Variants in RANGRF observed in about 807,000 individuals in gnomAD.
The protein encoded by RANGRF is RAN guanine nucleotide release factor.
A neutral mutation model predicts 21.8 loss-of-function variants in RANGRF; 17 were observed. The observed-to-expected ratio is 0.78, with a 90% CI of 0.53 to 1.17. The LOEUF (loss-of-function observed/expected upper bound fraction) is 1.17, where lower values mean the gene tolerates loss of function less well. Ranked by LOEUF, RANGRF falls within the 50% of genes most tolerant of loss-of-function variation. The pLI is 0.00. For synonymous variants in RANGRF, 97 were observed against 94.3 expected (o/e 1.03, Z -0.17); for missense variants, 225 against 235.5 (o/e 0.96, Z 0.29).
chr17:8,289,034 C>G lies in RANGRF; in HGVS notation c.156C>G (p.Leu52=), dbSNP rs1364298188. The G allele has an allele frequency of 1.9e-6, 3 of 1,613,906 alleles. No homozygotes were observed. Among genetic ancestry groups the G allele is most frequent in the Non-Finnish European group, 1.7e-6 (2 of 1,180,030 alleles). The change falls in exon 2 of 5, where the codon CTC becomes CTG. Residue 52 remains leucine (L), a synonymous_variant. Coordinates refer to ENST00000226105, the MANE Select transcript of RANGRF (RefSeq NM_016492.5). ...ACCAGAGCCTGATAGTGGAACTTCT[C>G]GAGCTGCAGGCCCACGTACGGGGCG... The part of the protein sequence containing the change: ...VTDQSLIVEL[L]ELQAHVRGEA...
rs11544392 is a variant in RANGRF, at chr17:8,288,721, C to G, written c.-68C>G. ...GTGGCAGCTGCGAAACCCAGGGAGC[C>G]GATGCCACGTGACCCAATGTGGACT... On this transcript the variant is annotated 5_prime_UTR_variant, in exon 1 of 5. Coordinates refer to ENST00000226105, the MANE Select transcript of RANGRF (RefSeq NM_016492.5). 6.4e-7 allele frequency: 1 copy of G among 1,555,964 alleles called. No individual in the cohort carries two copies. Among genetic ancestry groups the G allele is most frequent in the African/African-American group, 1.4e-5 (1 of 73,622 alleles).
Position 8,288,739 on chromosome 17 carries a change from T to C in RANGRF, c.-50T>C. 6.3e-7 allele frequency: 1 copy of C among 1,597,490 alleles called. No homozygotes were observed. The highest frequency in any genetic ancestry group is 8.6e-7 in the Non-Finnish European group (1 of 1,165,338). On this transcript the variant is annotated 5_prime_UTR_variant, in exon 1 of 5. The change abolishes an upstream ATG in the 5' untranslated region. Coordinates refer to ENST00000226105, the MANE Select transcript of RANGRF (RefSeq NM_016492.5). ...AGGGAGCCGATGCCACGTGACCCAA[T>C]GTGGACTTCTTTTAAACCTTTCTAA... is the stretch of plus-strand genomic sequence containing the variant.
intron 2 of RANGRF, 71 bp downstream of exon 2, chr17:8,289,143 C>T: frequency 1.2e-6 from 2 of 1,601,046 alleles, no homozygotes; most frequent in Non-Finnish European, 1.7e-6. Flanking sequence ...CCGCGGCCGA[C>T]GGTTAATCCG....
At chr17:8,289,623 T>G (rs774248020) in intron 4 of RANGRF, 35 bp downstream of exon 4, 1 of 1,608,154 alleles carries the variant, frequency 6.2e-7, no homozygotes, top group Non-Finnish European at 8.5e-7. Flanking sequence ...ATCTCATGAC[T>G]GGGTTCCCAG....
Position 8,289,665 on chromosome 17 carries a change from G to C in RANGRF, c.437+77G>C, listed in dbSNP as rs185844070. ...CGGGCTGGGAGGGACAGAACAGGGAGACTCACTGGTGGGATCCTCCAAGGA... is the reference window on the plus strand; with the variant it reads ...CGGGCTGGGAGGGACAGAACAGGGACACTCACTGGTGGGATCCTCCAAGGA... On this transcript the variant is annotated intron_variant, in intron 4 of 4. Coordinates refer to ENST00000226105, the MANE Select transcript of RANGRF (RefSeq NM_016492.5). 13 of 1,606,366 alleles carry C rather than the reference G, an allele frequency of 8.1e-6. No homozygotes were observed. In the Admixed American group the frequency reaches 1.2e-4, roughly 14 times the overall value.
chr17:8,289,789 C>T (rs1446499546), intron 4 of RANGRF, 24 bp from the exon 5 acceptor site: 1 of 1,613,568 alleles, frequency 6.2e-7, no homozygotes, highest in South Asian at 1.1e-5. Flanking sequence ...GATGTTCTGT[C>T]TCCATCTGTT....
chr17:8,289,560 G>A lies in RANGRF; in HGVS notation c.409G>A (p.Asp137Asn). 6.2e-7 allele frequency: 1 copy of A among 1,613,718 alleles called. No individual in the cohort carries two copies. ...GCTGAGGCTGCCCCAGTACCAGACT[G>A]ATCTCTTGCTTACCTTCAATCAGCC... is the stretch of plus-strand genomic sequence containing the variant. ...ALLRLPQYQT[D>N]LLLTFNQPPP... Residue 137 changes from aspartate to asparagine, a missense_variant, in exon 4 of 5, where the codon GAT (aspartate) becomes AAT (asparagine). By Grantham distance (23) the Asp-to-Asn change is conservative (BLOSUM62 1). Coordinates refer to ENST00000226105, the MANE Select transcript of RANGRF (RefSeq NM_016492.5).
chr17:8,288,925 G>A (rs1475775297), intron 1 of RANGRF, 31 bp from the exon 2 acceptor site: 1 of 1,613,826 alleles, frequency 6.2e-7, no homozygotes, highest in African/African-American at 1.3e-5. Flanking sequence ...AGAGACCGGG[G>A]TCAACCAGGG....
chr17:8,289,625 G>C (rs1990321302), intron 4 of RANGRF, 37 bp downstream of exon 4: 2 of 1,607,640 alleles, frequency 1.2e-6, no homozygotes, highest in South Asian at 2.2e-5. Flanking sequence ...CTCATGACTG[G>C]GTTCCCAGGA....
chr17:8,289,721 T>A, intron 4 of RANGRF, 92 bp from the exon 5 acceptor site: 1 of 1,613,892 alleles, frequency 6.2e-7, no homozygotes, highest in South Asian at 1.1e-5. Flanking sequence ...TTGGGGTAAC[T>A]GATACCCAGG....
Position 8,290,028 on chromosome 17 carries a change from T to G in RANGRF, c.*92T>G. The G allele has an allele frequency of 6.2e-7, 1 of 1,603,622 alleles. No homozygotes were observed. The highest frequency in any genetic ancestry group is 1.3e-5 in the African/African-American group (1 of 74,684). On this transcript the variant is annotated 3_prime_UTR_variant, in exon 5 of 5. Transcript: ENST00000226105. The stretch of plus-strand genomic sequence containing the variant: ...GTTGAAAAGAGGGTTTCCTCTTATT[T>G]CTTCCCTGTGCGTAAACATAAGACA...
In RANGRF at chr17:8,288,697, T is replaced by C; in HGVS notation, c.-92T>C. The C allele has an allele frequency of 7.1e-7, 1 of 1,408,630 alleles. No individual in the cohort carries two copies. Among genetic ancestry groups the C allele is most frequent in the Non-Finnish European group, 1.0e-6 (1 of 995,354 alleles). 87.3% of individuals were successfully genotyped at this position (1,408,630 alleles called of 1,614,324 possible). A position where few individuals can be genotyped will look rare whatever the true frequency, so the allele number is the denominator to read the frequency against. On this transcript the variant is annotated 5_prime_UTR_variant, in exon 1 of 5. Coordinates refer to ENST00000226105, the MANE Select transcript of RANGRF (RefSeq NM_016492.5). ...GAGCTAAGCCAGACCCGGGTGGCGG[T>C]GGCAGCTGCGAAACCCAGGGAGCCG...
At position 8,288,740 on chromosome 17, in the gene RANGRF, G is replaced by A; in HGVS notation, c.-49G>A. 1 of 1,602,846 alleles carries A rather than the reference G, an allele frequency of 6.2e-7. No individual in the cohort carries two copies. The highest frequency in any genetic ancestry group is 8.5e-7 in the Non-Finnish European group (1 of 1,170,192). Reference sequence around the variant, plus strand: ...GGGAGCCGATGCCACGTGACCCAATGTGGACTTCTTTTAAACCTTTCTAAT... The same window carrying A: ...GGGAGCCGATGCCACGTGACCCAATATGGACTTCTTTTAAACCTTTCTAAT... On this transcript the variant is annotated 5_prime_UTR_variant, in exon 1 of 5. It adds an upstream start codon to the 5' untranslated region. Coordinates refer to ENST00000226105, the MANE Select transcript of RANGRF (RefSeq NM_016492.5).
chr17:8,289,952 G>C lies in RANGRF; in HGVS notation c.*16G>C. ...TCCCCAGTAAAGGCGCTGAAGCACT[G>C]CATGATGTTGCTGAGAACTTGGGGA... On this transcript the variant is annotated 3_prime_UTR_variant, in exon 5 of 5. Coordinates refer to ENST00000226105, the MANE Select transcript of RANGRF (RefSeq NM_016492.5). The C allele has an allele frequency of 6.2e-7, 1 of 1,614,090 alleles. No individual in the cohort carries two copies. The highest frequency in any genetic ancestry group is 8.5e-7 in the Non-Finnish European group (1 of 1,179,962).
rs773051695 is a variant in RANGRF at position 8,289,424 on chromosome 17, C to T, written c.351+10C>T. 10 of 1,613,792 alleles carry T rather than the reference C, an allele frequency of 6.2e-6. No homozygotes were observed. Among genetic ancestry groups the T allele is most frequent in the Non-Finnish European group, 7.6e-6 (9 of 1,179,928 alleles). ...TAAGGAAAACCAGCAGGTGAGGGCC[C>T]GAGAGTGTGTAATGTCCTGGAAGGG... On this transcript the variant is annotated intron_variant, in intron 3 of 4. Transcript: ENST00000226105.
Position 8,288,942 on chromosome 17 carries a change from T to A in RANGRF, c.78-14T>A. The A allele has an allele frequency of 6.2e-7, 1 of 1,614,024 alleles. No individual in the cohort carries two copies. Among genetic ancestry groups the A allele is most frequent in the South Asian group, 1.1e-5 (1 of 91,080 alleles). On this transcript the variant is annotated splice_polypyrimidine_tract_variant and intron_variant, in intron 1 of 4. Transcript: ENST00000226105. ...AGACCGGGGTCAACCAGGGTCTGCC[T>A]CGCCTCACTCCAGCGACCTCCGACC...
At chr17:8,289,174 G>T (rs1990278504) in intron 2 of RANGRF, 84 bp from the exon 3 acceptor site, 1 of 1,601,052 alleles carries the variant, frequency 6.2e-7, no homozygotes, top group East Asian at 2.2e-5. Context: ...CCACGCACGG[G>T]CCGGGAGCCA....
rs750625803 is a variant in RANGRF at position 8,289,054 on chromosome 17, G to A, written c.176G>A (p.Arg59Gln). Residue 59 changes from arginine (R) to glutamine (Q), a missense_variant, in exon 2 of 5, where the codon CGG (arginine) becomes CAG (glutamine). Transcript: ENST00000226105. ...CTTCTCGAGCTGCAGGCCCACGTAC[G>A]GGGCGAAGCGGCTGCGCGGTGAGGG... ...VELLELQAHV[R>Q]GEAAARYHFE... 3.1e-6 allele frequency: 5 copies of A among 1,613,628 alleles called. No individual in the cohort carries two copies. Among genetic ancestry groups the A allele is most frequent in the East Asian group, 2.2e-5 (1 of 44,890 alleles).
Position 8,289,063 on chromosome 17 carries a change from C to G in RANGRF, c.185C>G (p.Ala62Gly), listed in dbSNP as rs1270315228. 6.2e-7 allele frequency: 1 copy of G among 1,613,560 alleles called. No individual in the cohort carries two copies. The highest frequency in any genetic ancestry group is 1.3e-5 in the African/African-American group (1 of 75,064). Reference sequence around the variant, plus strand: ...CTGCAGGCCCACGTACGGGGCGAAGCGGCTGCGCGGTGAGGGAATGGCCCC... The same window carrying G: ...CTGCAGGCCCACGTACGGGGCGAAGGGGCTGCGCGGTGAGGGAATGGCCCC... ...LELQAHVRGE[A>G]AARYHFEDVG... is the part of the protein sequence containing the mutation. The change falls in exon 2 of 5, where the codon GCG (alanine) becomes GGG (glycine). Residue 62 changes from alanine (A) to glycine (G), a missense_variant. By Grantham distance (60) the Ala-to-Gly change is moderately conservative (BLOSUM62 0). Transcript: ENST00000226105.
Sources: allele counts gnomAD v4.1 joint callset, GRCh38; gene constraint gnomAD v4.1.1; transcripts MANE v1.5; gene names NCBI Gene and HGNC (gene_info 2026-07-23, HGNC 2026-07-21).